Variants in SLC13A3 observed in about 807,000 individuals in gnomAD.
The protein encoded by SLC13A3 is Na(+)/dicarboxylate cotransporter 3.
SLC13A3 carries 40 observed loss-of-function variants against 59.0 expected under a neutral mutation model. The observed-to-expected ratio is 0.68, with a 90% CI of 0.53 to 0.88. SLC13A3 has a LOEUF of 0.88. Ranked by LOEUF, SLC13A3 falls within the 40% of genes least tolerant of loss-of-function variation. The pLI is 0.00. For missense variants in SLC13A3, 699 were observed against 783.2 expected, an observed-to-expected ratio of 0.89 and a Z score of 1.28; for synonymous variants, 317 against 330.3, an observed-to-expected ratio of 0.96 and a Z score of 0.44.
intron 1 of SLC13A3, among the ~76,000 whole-genome samples, chr20:46,615,889 T>C (rs1460209095): frequency 6.6e-6 from 1 of 152,164 alleles, no homozygotes; most frequent in Non-Finnish European, 1.5e-5. Flanking sequence ...TGACTTAAGA[T>C]ACATTGTTTT....
At chr20:46,676,661 C>T (rs570651339) in intron 1 of SLC13A3, among the ~76,000 whole-genome samples, 2 of 151,554 alleles carry the variant, frequency 1.3e-5, no homozygotes, top group East Asian at 3.9e-4. Context: ...TCACAGCTCA[C>T]TGCAGCCTTG....
Position 46,612,896 on chromosome 20 carries a change from C to A in SLC13A3, c.377+564G>T, listed in dbSNP as rs556027171. ...CATCTTCCCACATCCTCTGCATCCC[C>A]CCACCTTCAACTCCCACCTGATCTT... On this transcript the variant is annotated intron_variant, in intron 2 of 12. Coordinates refer to ENST00000279027, the MANE Select transcript of SLC13A3 (RefSeq NM_022829.6). Among the ~76,000 whole-genome samples the A allele has an allele frequency of 2.4e-3, 366 of 152,286 alleles. 1 individual carries two copies. Among genetic ancestry groups the A allele is most frequent in the Non-Finnish European group, 3.9e-3 (267 of 68,014 alleles).
intron 1 of SLC13A3, among the ~76,000 whole-genome samples, chr20:46,633,259 C>G (rs888135846): frequency 6.6e-6 from 1 of 152,066 alleles, no homozygotes; most frequent in African/African-American, 2.4e-5. Flanking sequence ...CAAGAGAAAC[C>G]CTTTCTGCCA....
At chr20:46,672,815 G>A (rs1404329830), upstream of SLC13A3, among the ~76,000 whole-genome samples, 1 of 152,072 alleles carries the variant, frequency 6.6e-6, no homozygotes, top group East Asian at 1.9e-4. Context: ...GCTGAGCCCA[G>A]ACTTCCAGCC....
intron 1 of SLC13A3, among the ~76,000 whole-genome samples, chr20:46,625,185 C>A (rs1365877900): frequency 1.3e-5 from 2 of 152,218 alleles, no homozygotes; most frequent in Non-Finnish European, 2.9e-5. Flanking sequence ...AGACAATAAT[C>A]TCTCTTTCCT....
chr20:46,582,128 A>G (rs2062144862), intron 9 of SLC13A3, among the ~76,000 whole-genome samples: 2 of 151,950 alleles, frequency 1.3e-5, no homozygotes, highest in Admixed American at 1.3e-4. Context: ...GTTCCTACAA[A>G]AAAAATTTTT....
At chr20:46,626,474 G>A (rs1199503298) in intron 1 of SLC13A3, among the ~76,000 whole-genome samples, 1 of 152,136 alleles carries the variant, frequency 6.6e-6, no homozygotes, top group Non-Finnish European at 1.5e-5. Flanking sequence ...CAGGAGTTGG[G>A]AAGTCAATCC....
intron 1 of SLC13A3, among the ~76,000 whole-genome samples, chr20:46,645,034 G>A (rs1160527679): frequency 6.6e-6 from 1 of 152,214 alleles, no homozygotes; most frequent in Non-Finnish European, 1.5e-5. Flanking sequence ...TAAAGTCAAG[G>A]TGTTGGCCAG....
intron 5 of SLC13A3, among the ~76,000 whole-genome samples, chr20:46,595,678 G>A (rs570786245): frequency 4.6e-5 from 7 of 152,108 alleles, no homozygotes; most frequent in South Asian, 2.1e-4. Context: ...CAGGCTCTTC[G>A]TCTCCCTGGT....
chr20:46,630,417 G>C (rs1427731451), intron 1 of SLC13A3, among the ~76,000 whole-genome samples: 1 of 152,208 alleles, frequency 6.6e-6, no homozygotes, highest in Non-Finnish European at 1.5e-5. Context: ...GTATTAGGAA[G>C]TGTCAGAGTT....
chr20:46,568,711 A>G (rs1200528640), intron 10 of SLC13A3, among the ~76,000 whole-genome samples: 2 of 152,206 alleles, frequency 1.3e-5, no homozygotes, highest in Non-Finnish European at 2.9e-5. Context: ...CAGCTCTGGC[A>G]AAGAGTCTGA....
At chr20:46,600,431 G>GAAGGAAGGA (rs1347962497) in intron 3 of SLC13A3, among the ~76,000 whole-genome samples, 1 of 150,200 alleles carries the variant, frequency 6.7e-6, no homozygotes, top group East Asian at 2.0e-4. Flanking sequence ...GGAAAGGAAG[G>GAAGGAAGGA]AAGGAAGGAA....
chr20:46,589,294 G>T (rs2062228633), intron 6 of SLC13A3, 39 bp from the exon 7 acceptor site: 2 of 1,558,128 alleles, frequency 1.3e-6, no homozygotes, highest in Non-Finnish European at 1.8e-6. Context: ...GGCCACTGCA[G>T]GTATAACTAA....
intron 1 of SLC13A3, among the ~76,000 whole-genome samples, chr20:46,627,126 C>T (rs2062682317): frequency 6.6e-6 from 1 of 152,236 alleles, no homozygotes; most frequent in Admixed American, 6.5e-5. Context: ...CAAACAGGGC[C>T]TTTTCTGTCT....
intron 1 of SLC13A3, among the ~76,000 whole-genome samples, chr20:46,679,907 CA>C (rs60329236): frequency 0.04 from 4,062 of 100,548 alleles, 158 homozygotes; most frequent in African/African-American, 0.12. Flanking sequence ...GACTCTGTCT[CA>C]AAAAAAAAAA....
intron 6 of SLC13A3, among the ~76,000 whole-genome samples, chr20:46,590,777 C>T (rs1049502411): frequency 6.6e-6 from 1 of 152,132 alleles, no homozygotes; most frequent in African/African-American, 2.4e-5. Context: ...ATTCTCTGAT[C>T]CAGAAATCCC....
At chr20:46,600,471 T>C (rs1489424987) in intron 3 of SLC13A3, 1 of 184,600 alleles carries the variant, frequency 5.4e-6, no homozygotes, top group African/African-American at 2.4e-5. Flanking sequence ...AAAAGAAAGG[T>C]CATTCAGCAT....
At chr20:46,642,893 C>A (rs1028959293) in intron 1 of SLC13A3, among the ~76,000 whole-genome samples, 1 of 152,090 alleles carries the variant, frequency 6.6e-6, no homozygotes, top group Non-Finnish European at 1.5e-5. Flanking sequence ...AACCATCTGC[C>A]GCCATCTGCC....
intron 1 of SLC13A3, among the ~76,000 whole-genome samples, chr20:46,669,064 C>T (rs6017966): frequency 0.023 from 3,499 of 152,290 alleles, 51 homozygotes; most frequent in Middle Eastern, 0.048. Flanking sequence ...AGACATTTGT[C>T]CCAGGTCACA....
Sources: gnomAD v4.1 joint callset for allele counts (sites outside exome capture counted in the v4.1 genomes callset) on GRCh38, gnomAD v4.1.1 for gene constraint, MANE v1.5 for transcripts, NCBI Gene and HGNC (gene_info 2026-07-23, HGNC 2026-07-21) for gene names.